ACBD5: variants seen among roughly 807,000 people sequenced by gnomAD.
The protein encoded by ACBD5 is acyl-CoA binding domain containing 5, also known as acyl-CoA-binding domain-containing protein 5.
ACBD5 carries 40 observed loss-of-function variants against 71.8 expected under a neutral mutation model. The ratio of observed to expected loss-of-function variants is 0.56; its 90% confidence interval spans 0.43 to 0.72. The LOEUF (loss-of-function observed/expected upper bound fraction) is 0.72, where lower values mean the gene tolerates loss of function less well. Among genes scored for constraint, ACBD5 ranks in the 30% least tolerant of loss-of-function variants. The pLI, the probability that ACBD5 is intolerant of heterozygous loss-of-function variation, is 0.00. For missense variants in ACBD5, 559 were observed against 644.5 expected (o/e 0.87, Z 1.44); for synonymous variants, 229 against 218.6 (o/e 1.05, Z -0.42).
At chr10:27,226,147 C>A (rs2062981615) in intron 4 of ACBD5, among the ~76,000 whole-genome samples, 1 of 152,046 alleles carries the variant, frequency 6.6e-6, no homozygotes, top group African/African-American at 2.4e-5. Flanking sequence ...TGAAGTTACT[C>A]TCTTTGTTTT....
downstream of ACBD5, among the ~76,000 whole-genome samples, chr10:27,194,268 A>C (rs788227): frequency 0.18 from 27,040 of 150,776 alleles, 2,988 homozygotes; most frequent in East Asian, 0.29. Flanking sequence ...AAAAAAAAAA[A>C]AAAACCCTCT....
At chr10:27,227,866 C>A (rs112351009) in intron 4 of ACBD5, among the ~76,000 whole-genome samples, 6,155 of 152,082 alleles carry the variant, frequency 0.04, 151 homozygotes, top group African/African-American at 0.071. Context: ...GCGCCCGCCA[C>A]CACGCCCAGC....
chr10:27,240,488 G>C lies in ACBD5; in HGVS notation c.16-4C>G, dbSNP rs1199163265. 1 of 1,605,044 alleles carries C rather than the reference G, an allele frequency of 6.2e-7. No homozygotes were observed. The highest frequency in any genetic ancestry group is 2.2e-5 in the East Asian group (1 of 44,590). On this transcript the variant is annotated splice_region_variant and splice_polypyrimidine_tract_variant and intron_variant, in intron 1 of 12. Coordinates refer to ENST00000396271, the MANE Select transcript of ACBD5 (RefSeq NM_145698.5). The surrounding 1 kb of genome is among the most constrained non-coding windows in gnomAD (Gnocchi z 4.1). ...TTTCCCAAGAGCCTGCATGAAACTG[G>C]AACATGGAGCGCAGCCGCGGATCAA...
intron 8 of ACBD5, 25 bp from the exon 9 acceptor site, chr10:27,211,106 T>G (rs781503738): frequency 1.2e-6 from 2 of 1,613,180 alleles, no homozygotes; most frequent in Non-Finnish European, 1.7e-6. Flanking sequence ...TGACACTTAG[T>G]TAAAAGCTAG....
intron 2 of ACBD5, among the ~76,000 whole-genome samples, chr10:27,238,766 T>G (rs1418281594): frequency 6.7e-6 from 1 of 149,330 alleles, no homozygotes; most frequent in African/African-American, 2.6e-5. Context: ...TTACCTATAA[T>G]TATTGAAATT....
At chr10:27,228,063 G>A (rs1293496788) in intron 4 of ACBD5, among the ~76,000 whole-genome samples, 1 of 151,912 alleles carries the variant, frequency 6.6e-6, no homozygotes, top group Non-Finnish European at 1.5e-5. Flanking sequence ...CTATTACAGT[G>A]ATTATCCCAA....
At chr10:27,225,096 G>C (rs1329530752) in intron 4 of ACBD5, among the ~76,000 whole-genome samples, 2 of 132,234 alleles carry the variant, frequency 1.5e-5, no homozygotes, top group Non-Finnish European at 3.1e-5. Flanking sequence ...TTTTTTTGGA[G>C]ACAGCGTCTC....
chr10:27,191,078 G>T (rs140478081), downstream of ACBD5, among the ~76,000 whole-genome samples: 1 of 152,282 alleles, frequency 6.6e-6, no homozygotes, highest in South Asian at 2.1e-4. Flanking sequence ...CCTTCAACAG[G>T]TGAATGAATA....
At chr10:27,212,069 G>T (rs994874263) in intron 8 of ACBD5, among the ~76,000 whole-genome samples, 3 of 152,144 alleles carry the variant, frequency 2.0e-5, no homozygotes, top group African/African-American at 7.2e-5. Flanking sequence ...CCAGCAAGGG[G>T]CCGGCATGGT....
chr10:27,231,676 A>T, intron 4 of ACBD5, 72 bp downstream of exon 4: 1 of 1,325,386 alleles, frequency 7.5e-7, no homozygotes, highest in South Asian at 1.2e-5. Context: ...CAAAGCAGCT[A>T]ATTTGTCTGA....
chr10:27,236,868 G>A (rs2064776707), intron 2 of ACBD5, among the ~76,000 whole-genome samples: 1 of 127,478 alleles, frequency 7.8e-6, no homozygotes, highest in African/African-American at 2.9e-5. Context: ...CTGGGCAGCT[G>A]AGCAAGACTT....
chr10:27,223,283 A>T, intron 5 of ACBD5, 55 bp downstream of exon 5: 1 of 1,274,202 alleles, frequency 7.8e-7, no homozygotes, highest in Non-Finnish European at 1.1e-6. Flanking sequence ...TACAAATATT[A>T]ATATGTGCAT....
At chr10:27,236,154 T>C (rs1457276728) in intron 2 of ACBD5, among the ~76,000 whole-genome samples, 1 of 151,522 alleles carries the variant, frequency 6.6e-6, no homozygotes, top group Non-Finnish European at 1.5e-5. Context: ...AAGCAAGTGC[T>C]ATAAGTTGCA....
chr10:27,193,119 GTGTGT>G (rs1483070215), downstream of ACBD5, among the ~76,000 whole-genome samples: 1 of 7,680 alleles, frequency 1.3e-4, no homozygotes, highest in Non-Finnish European at 2.1e-4. Context: ...TCCTTCGTGT[GTGTGT>G]GTGTGTGTGT....
chr10:27,229,986 T>C (rs139116364), intron 4 of ACBD5, among the ~76,000 whole-genome samples: 35 of 152,156 alleles, frequency 2.3e-4, no homozygotes, highest in Non-Finnish European at 4.9e-4. Flanking sequence ...AAAATGTGGC[T>C]ATACCATTAA....
chr10:27,206,672 C>G (rs1208664153), intron 10 of ACBD5, among the ~76,000 whole-genome samples: 3 of 151,908 alleles, frequency 2.0e-5, no homozygotes, highest in Non-Finnish European at 4.4e-5. Flanking sequence ...TGCACCACCA[C>G]GCCCAGCTAA....
chr10:27,214,424 A>G (rs891425859), intron 8 of ACBD5, among the ~76,000 whole-genome samples: 1 of 152,036 alleles, frequency 6.6e-6, no homozygotes, highest in African/African-American at 2.4e-5. Context: ...CTTCTTGCCC[A>G]GGCTGGTCTC....
At chr10:27,185,360 C>T (rs1045039522) in intron 13 of ACBD5, among the ~76,000 whole-genome samples, 10 of 151,844 alleles carry the variant, frequency 6.6e-5, no homozygotes, top group East Asian at 3.9e-4. Context: ...AGGGTGGGCG[C>T]GGTGGCTCAC....
downstream of ACBD5, chr10:27,195,184 G>T: frequency 5.5e-6 from 2 of 363,558 alleles, no homozygotes; most frequent in Admixed American, 7.6e-5. Context: ...CTAATCAATG[G>T]GCTAATAGTA....
Sources: gnomAD v4.1 joint callset for allele counts (sites outside exome capture counted in the v4.1 genomes callset) on GRCh38, gnomAD v4.1.1 for gene constraint, Gnocchi (gnomAD v3.1) non-coding constraint, MANE v1.5 for transcripts, NCBI Gene and HGNC (gene_info 2026-07-23, HGNC 2026-07-21) for gene names.